The following FHIT variants were observed in gnomAD, a reference collection of about 807,000 sequenced individuals.
The protein encoded by FHIT is bis(5'-adenosyl)-triphosphatase.
FHIT carries 19 observed loss-of-function variants against 17.9 expected under a neutral mutation model. The ratio of observed to expected loss-of-function variants is 1.06; its 90% CI spans 0.74 to 1.56. The LOEUF (loss-of-function observed/expected upper bound fraction) is 1.56. Among genes scored for constraint, FHIT ranks in the 40% most tolerant of loss-of-function variants. The pLI is 0.00. For missense variants in FHIT, 248 were observed against 189.2 expected (o/e 1.31, Z -1.82); for synonymous variants, 81 against 69.7 (o/e 1.16, Z -0.81).
chr3:61,162,022 G>C (rs1391619554), intron 2 of FHIT, among the ~76,000 whole-genome samples: 1 of 152,202 alleles, frequency 6.6e-6, no homozygotes, highest in Non-Finnish European at 1.5e-5. Flanking sequence ...CTGAGTGGGA[G>C]TGCCAGTTAA....
At chr3:59,960,737 C>T (rs141303866) in intron 7 of FHIT, among the ~76,000 whole-genome samples, 6 of 152,164 alleles carry the variant, frequency 3.9e-5, no homozygotes, top group South Asian at 2.1e-4. Context: ...CTTCCTCTTG[C>T]GTTTCAATAA....
At chr3:61,244,465 AT>A (rs2040440825) in intron 1 of FHIT, among the ~76,000 whole-genome samples, 1 of 152,156 alleles carries the variant, frequency 6.6e-6, no homozygotes, top group Non-Finnish European at 1.5e-5. Flanking sequence ...AAATATATCT[AT>A]TTGCCCATGA....
At chr3:59,902,053 G>A (rs915609750) in intron 8 of FHIT, among the ~76,000 whole-genome samples, 2 of 152,080 alleles carry the variant, frequency 1.3e-5, no homozygotes, top group African/African-American at 2.4e-5. Flanking sequence ...ATATCAGACA[G>A]GGGATTAAAT....
chr3:59,996,797 T>C (rs1699530102), intron 7 of FHIT, among the ~76,000 whole-genome samples: 1 of 152,108 alleles, frequency 6.6e-6, no homozygotes, highest in East Asian at 1.9e-4. Context: ...TTGCTAGCAT[T>C]TGTCCACAAT....
At chr3:61,238,139 G>C (rs1409399721) in intron 1 of FHIT, among the ~76,000 whole-genome samples, 1 of 152,162 alleles carries the variant, frequency 6.6e-6, no homozygotes, top group Non-Finnish European at 1.5e-5. Context: ...AGGGAAGATA[G>C]ATAATATTAA....
chr3:59,948,530 TAA>T (rs199516436), intron 7 of FHIT, among the ~76,000 whole-genome samples: 40 of 149,972 alleles, frequency 2.7e-4, no homozygotes, highest in African/African-American at 9.8e-4. Context: ...AAAATAAAAA[TAA>T]AAAAAAATAA....
intron 4 of FHIT, among the ~76,000 whole-genome samples, chr3:60,637,042 C>G (rs2039605498): frequency 6.6e-6 from 1 of 152,098 alleles, no homozygotes; most frequent in Admixed American, 6.6e-5. Context: ...GGAATCCTGG[C>G]AGCACCAGGG....
chr3:60,527,563 G>A (rs1262083503), intron 5 of FHIT, among the ~76,000 whole-genome samples: 4 of 152,152 alleles, frequency 2.6e-5, no homozygotes, highest in Non-Finnish European at 4.4e-5. Context: ...TAAACTGCCT[G>A]GCCCCATATA....
At chr3:60,158,281 T>C (rs1465440376) in intron 5 of FHIT, among the ~76,000 whole-genome samples, 1 of 151,894 alleles carries the variant, frequency 6.6e-6, no homozygotes, top group African/African-American at 2.4e-5. Flanking sequence ...TCTGAGACCA[T>C]GATAAAGTAA....
At chr3:60,241,046 G>C (rs527883370) in intron 5 of FHIT, among the ~76,000 whole-genome samples, 1 of 152,228 alleles carries the variant, frequency 6.6e-6, no homozygotes, top group Admixed American at 6.5e-5. Flanking sequence ...TTATCATAGT[G>C]AGTATCTTTT....
At chr3:61,082,508 G>A (rs1440124508) in intron 2 of FHIT, among the ~76,000 whole-genome samples, 1 of 151,896 alleles carries the variant, frequency 6.6e-6, no homozygotes, top group Non-Finnish European at 1.5e-5. Flanking sequence ...GTTCCATTTG[G>A]AAAAGCTATT....
At chr3:60,563,535 G>T (rs991009254) in intron 4 of FHIT, among the ~76,000 whole-genome samples, 1 of 152,188 alleles carries the variant, frequency 6.6e-6, no homozygotes, top group Admixed American at 6.6e-5. Flanking sequence ...GGCCTCTTGG[G>T]CCAAACAGCC....
chr3:60,292,298 G>T (rs1708021261), intron 5 of FHIT, among the ~76,000 whole-genome samples: 1 of 152,102 alleles, frequency 6.6e-6, no homozygotes, highest in Non-Finnish European at 1.5e-5. Context: ...CGAAATAGTT[G>T]AATATAAACC....
intron 8 of FHIT, among the ~76,000 whole-genome samples, chr3:59,912,038 T>A (rs1704903821): frequency 6.6e-6 from 1 of 152,206 alleles, no homozygotes; most frequent in Non-Finnish European, 1.5e-5. Context: ...TTTCTTACTC[T>A]CTCTGTGTCC....
chr3:59,915,272 G>C lies in FHIT; in HGVS notation c.348+7074C>G, dbSNP rs1450197884. On this transcript the variant is annotated intron_variant, in intron 8 of 9. Transcript: ENST00000492590. ...AAGAAAGCCTGATTCGTGAAATAAT[G>C]AGAGAGGACCACATGGAGTGGTTTG... 2.0e-5 allele frequency among the ~76,000 whole-genome samples: 3 copies of C among 152,198 alleles called. No individual in the cohort carries two copies. In the East Asian group the frequency reaches 5.8e-4, roughly 29 times the overall value.
chr3:60,481,327 C>T (rs1334410707), intron 5 of FHIT, among the ~76,000 whole-genome samples: 3 of 152,094 alleles, frequency 2.0e-5, no homozygotes, highest in Non-Finnish European at 4.4e-5. Flanking sequence ...TCAGAGAACA[C>T]CACTAAGATA....
chr3:59,772,074 C>T (rs1230850136), intron 8 of FHIT, among the ~76,000 whole-genome samples: 1 of 152,200 alleles, frequency 6.6e-6, no homozygotes, highest in Non-Finnish European at 1.5e-5. Context: ...GACAGTCCCC[C>T]TCCACAGTCA....
chr3:61,234,166 C>T (rs937119197), intron 1 of FHIT, among the ~76,000 whole-genome samples: 1 of 152,064 alleles, frequency 6.6e-6, no homozygotes. Context: ...AAGTAGAGCC[C>T]AGGAGAAGCT....
chr3:60,280,397 A>G (rs1248855959), intron 5 of FHIT, among the ~76,000 whole-genome samples: 3 of 152,204 alleles, frequency 2.0e-5, no homozygotes, highest in Non-Finnish European at 4.4e-5. Context: ...GAAAGAAAGG[A>G]CTTTGTAGCT....
Sources: gnomAD v4.1 joint callset for allele counts (sites outside exome capture counted in the v4.1 genomes callset) on GRCh38, gnomAD v4.1.1 for gene constraint, MANE v1.5 for transcripts, NCBI Gene and HGNC (gene_info 2026-07-23, HGNC 2026-07-21) for gene names.